Variants in ACYP2 observed in about 807,000 individuals in gnomAD.
ACYP2 encodes acylphosphatase-2.
ACYP2 carries 12 observed loss-of-function variants against 11.2 expected under a neutral mutation model. The ratio of observed to expected loss-of-function variants is 1.08; its 90% CI spans 0.69 to 1.74. The LOEUF (loss-of-function observed/expected upper bound fraction) is 1.74, where lower values mean the gene tolerates loss of function less well. Among genes scored for constraint, ACYP2 ranks in the 40% most tolerant of loss-of-function variants. The pLI, the probability that ACYP2 is intolerant of heterozygous loss-of-function variation, is 0.00. For missense variants in ACYP2, 134 were observed against 101.9 expected (o/e 1.31, Z -1.35); for synonymous variants, 43 against 32.2 (o/e 1.33, Z -1.13).
chr2:54,179,017 T>C (rs976895902), intron 6 of ACYP2, among the ~76,000 whole-genome samples: 3 of 152,128 alleles, frequency 2.0e-5, no homozygotes, highest in African/African-American at 7.2e-5. Context: ...CAGTGTCTGG[T>C]TGGGGCTTCC....
intron 4 of ACYP2, among the ~76,000 whole-genome samples, chr2:54,085,309 G>A (rs1187669349): frequency 2.0e-5 from 3 of 152,176 alleles, no homozygotes; most frequent in Non-Finnish European, 4.4e-5. Context: ...GTGGGGGTGT[G>A]AGAGTGCACC....
chr2:54,157,800 TG>T (rs1682501527), intron 6 of ACYP2, among the ~76,000 whole-genome samples: 1 of 152,134 alleles, frequency 6.6e-6, no homozygotes, highest in Admixed American at 6.5e-5. Context: ...AGGCTTTCCA[TG>T]GAGGTGACTT....
At chr2:54,040,459 A>C (rs1224614061) in intron 2 of ACYP2, among the ~76,000 whole-genome samples, 1 of 152,126 alleles carries the variant, frequency 6.6e-6, no homozygotes, top group East Asian at 1.9e-4. Flanking sequence ...TGATAGTTCA[A>C]GTCATGAGAC....
chr2:53,990,444 T>C (rs996089976), intron 2 of ACYP2, among the ~76,000 whole-genome samples: 3 of 151,462 alleles, frequency 2.0e-5, no homozygotes, highest in Non-Finnish European at 2.9e-5. Flanking sequence ...AGGTCAGGAA[T>C]TTGAGACCAG....
chr2:53,981,034 G>A (rs1671730428), intron 2 of ACYP2, among the ~76,000 whole-genome samples: 2 of 152,096 alleles, frequency 1.3e-5, no homozygotes, highest in African/African-American at 4.8e-5. Context: ...TTACAGGTGT[G>A]AGCCACCACA....
intron 2 of ACYP2, among the ~76,000 whole-genome samples, chr2:53,982,827 A>ACT (rs574797587): frequency 1.6e-3 from 146 of 91,818 alleles, no homozygotes; most frequent in African/African-American, 6.3e-3. Flanking sequence ...TTCACACAAG[A>ACT]CTGTGTGTGT....
intron 4 of ACYP2, among the ~76,000 whole-genome samples, chr2:54,076,154 T>C (rs1677328898): frequency 6.6e-6 from 1 of 152,190 alleles, no homozygotes; most frequent in Non-Finnish European, 1.5e-5. Flanking sequence ...ATATTAAATC[T>C]GGTGGGGAGC....
intron 6 of ACYP2, among the ~76,000 whole-genome samples, chr2:54,249,966 A>T (rs375767536): frequency 1.4e-3 from 199 of 143,180 alleles, no homozygotes; most frequent in Non-Finnish European, 2.2e-3. Flanking sequence ...AAAAAAAAAA[A>T]GAAAACTCAC....
At chr2:54,162,035 A>T (rs1682735487) in intron 6 of ACYP2, among the ~76,000 whole-genome samples, 1 of 152,024 alleles carries the variant, frequency 6.6e-6, no homozygotes, top group Admixed American at 6.6e-5. Context: ...AACCATATAG[A>T]TTCTTACTTT....
chr2:54,106,734 C>T (rs998240429), intron 4 of ACYP2, among the ~76,000 whole-genome samples: 4 of 152,054 alleles, frequency 2.6e-5, no homozygotes, highest in Non-Finnish European at 5.9e-5. Context: ...TAGGTGCCTG[C>T]CACCAAGCCC....
chr2:54,156,532 T>G (rs963722965), intron 6 of ACYP2, among the ~76,000 whole-genome samples: 2 of 152,216 alleles, frequency 1.3e-5, no homozygotes, highest in African/African-American at 4.8e-5. Context: ...TCTGTTCCTG[T>G]GTTAGTGTGC....
intron 6 of ACYP2, among the ~76,000 whole-genome samples, chr2:54,263,587 C>T (rs1026240145): frequency 2.0e-5 from 3 of 152,106 alleles, no homozygotes; most frequent in African/African-American, 7.2e-5. Flanking sequence ...TTGCCACTGG[C>T]ACTCCAGCTT....
At position 54,165,535 on chromosome 2, in the gene ACYP2, TCACA is replaced by T. The variant is rs1163844895; in HGVS notation, c.404+26822_404+26825del. ...CTTTCACTCTCTCTCTCTCTCTCTC[TCACA>T]CACACACACACACACACACACACAC... On this transcript the variant is annotated intron_variant, in intron 6 of 6. Transcript: ENST00000607452. 3.1e-3 allele frequency among the ~76,000 whole-genome samples: 396 copies of T among 128,944 alleles called. 2 individuals are homozygous for T. Among genetic ancestry groups the T allele is most frequent in the Middle Eastern group, 0.022 (6 of 276 alleles). 84.6% of individuals were successfully genotyped at this position (128,944 alleles called of 152,430 possible).
At chr2:54,278,144 A>AT (rs1688690808) in intron 6 of ACYP2, among the ~76,000 whole-genome samples, 1 of 151,996 alleles carries the variant, frequency 6.6e-6, no homozygotes, top group South Asian at 2.1e-4. Context: ...TGCCGAGCTA[A>AT]TTTTTTTGTG....
chr2:54,004,278 C>T (rs912275374), intron 2 of ACYP2, among the ~76,000 whole-genome samples: 2 of 152,056 alleles, frequency 1.3e-5, no homozygotes, highest in African/African-American at 4.8e-5. Context: ...TGAGCCACTG[C>T]ACCCAGCCTA....
chr2:54,197,579 A>G (rs1684545066), intron 6 of ACYP2, among the ~76,000 whole-genome samples: 1 of 152,186 alleles, frequency 6.6e-6, no homozygotes, highest in Admixed American at 6.6e-5. Flanking sequence ...AACTCCTTAG[A>G]TGGGGTGGCC....
intron 6 of ACYP2, among the ~76,000 whole-genome samples, chr2:54,201,582 TTTTCTTTCTTTCTCTTTCTTTC>T (rs1684769763): frequency 8.9e-6 from 1 of 111,962 alleles, no homozygotes; most frequent in African/African-American, 3.3e-5. Flanking sequence ...GCCAGCTTCT[TTTTCTTTCTTTCTCTTTCTTTC>T]TTTCTTTCTT....
chr2:54,250,945 A>C (rs545905175), intron 6 of ACYP2, among the ~76,000 whole-genome samples: 4 of 152,346 alleles, frequency 2.6e-5, no homozygotes, highest in Non-Finnish European at 2.9e-5. Context: ...AAAAGACATG[A>C]AACTTTGAAA....
chr2:54,170,965 C>T (rs1683197996), intron 6 of ACYP2, among the ~76,000 whole-genome samples: 1 of 152,128 alleles, frequency 6.6e-6, no homozygotes, highest in Admixed American at 6.5e-5. Context: ...AATGCCAGGG[C>T]TCACTTTGTT....
Sources: gnomAD v4.1 joint callset for allele counts (sites outside exome capture counted in the v4.1 genomes callset) on GRCh38, gnomAD v4.1.1 for gene constraint, MANE v1.5 for transcripts, NCBI Gene and HGNC (gene_info 2026-07-23, HGNC 2026-07-21) for gene names.